The following RARB variants were observed in gnomAD, a reference collection of about 807,000 sequenced individuals.
RARB encodes the protein HBV-activated protein.
RARB carries 17 observed loss-of-function variants against 51.9 expected under a neutral mutation model. The observed-to-expected ratio is 0.33, with a 90% CI of 0.22 to 0.49. The LOEUF (loss-of-function observed/expected upper bound fraction) is 0.49, where lower values mean the gene tolerates loss of function less well. RARB is among the 20% of genes least tolerant of loss of function. The pLI is 0.99. For synonymous variants in RARB, 215 were observed against 195.4 expected, an observed-to-expected ratio of 1.10 and a Z score of -0.84; for missense variants, 369 against 550.8, an observed-to-expected ratio of 0.67 and a Z score of 3.30.
At chr3:25,135,211 A>G (rs1417129874) in intron 4 of RARB, among the ~76,000 whole-genome samples, 1 of 151,938 alleles carries the variant, frequency 6.6e-6, no homozygotes, top group African/African-American at 2.4e-5. Flanking sequence ...GCGCTCAAAA[A>G]TAGCTAGTGC....
chr3:25,531,026 G>T (rs954607996), intron 3 of RARB, among the ~76,000 whole-genome samples: 15 of 152,216 alleles, frequency 9.9e-5, no homozygotes, highest in African/African-American at 3.6e-4. Context: ...TTACATAATT[G>T]CCGGAAACAC....
chr3:25,094,596 T>C (rs1352409376), intron 3 of RARB, among the ~76,000 whole-genome samples: 1 of 151,034 alleles, frequency 6.6e-6, no homozygotes, highest in Non-Finnish European at 1.5e-5. Flanking sequence ...CATGCGCCTG[T>C]GGTCCCAGCT....
intron 5 of RARB, among the ~76,000 whole-genome samples, chr3:25,308,601 G>A (rs578202478): frequency 6.6e-6 from 1 of 151,798 alleles, no homozygotes; most frequent in South Asian, 2.1e-4. Context: ...GGCATGCATT[G>A]CCATGCCTGG....
chr3:25,333,258 G>A (rs1242833659), intron 5 of RARB, among the ~76,000 whole-genome samples: 25 of 152,128 alleles, frequency 1.6e-4, no homozygotes, highest in African/African-American at 2.4e-4. Flanking sequence ...GAGGCATCAC[G>A]CTACCTGACT....
chr3:25,402,528 A>G (rs1263200462), intron 5 of RARB, among the ~76,000 whole-genome samples: 1 of 152,240 alleles, frequency 6.6e-6, no homozygotes, highest in East Asian at 1.9e-4. Context: ...TGCTGTTTAC[A>G]ATAGCTAAGA....
intron 5 of RARB, among the ~76,000 whole-genome samples, chr3:25,583,062 T>C (rs1255596790): frequency 6.6e-6 from 1 of 151,158 alleles, no homozygotes; most frequent in African/African-American, 2.4e-5. Flanking sequence ...GGGTGAGGAG[T>C]CTGGGTTGGG....
intron 5 of RARB, among the ~76,000 whole-genome samples, chr3:25,186,954 T>C (rs1486379609): frequency 7.3e-6 from 1 of 137,292 alleles, no homozygotes; most frequent in Admixed American, 7.9e-5. Flanking sequence ...CCTGCTAAGT[T>C]TGATGAAGAG....
rs1362736823 is a variant in RARB at position 25,200,195 on chromosome 3, A to G, written c.178+25620A>G. On this transcript the variant is annotated intron_variant, in intron 5 of 11. Transcript: ENST00000383772. ...TTTGATTTGCATTTCTCTGATGGCC[A>G]GTGATGATGAGCATTGTTTCTTGTG... Among the ~76,000 whole-genome samples the G allele has an allele frequency of 2.6e-5, 4 of 152,248 alleles. No individual in the cohort carries two copies. The East Asian group carries it at 7.7e-4, about 29-fold the overall frequency.
intron 5 of RARB, among the ~76,000 whole-genome samples, chr3:25,284,173 A>T (rs1703593922): frequency 1.3e-5 from 2 of 152,180 alleles, no homozygotes. Context: ...AAGACCCTCC[A>T]TCTAACAGCT....
chr3:25,007,201 C>CT (rs1474362222), intron 2 of RARB, among the ~76,000 whole-genome samples: 1 of 152,158 alleles, frequency 6.6e-6, no homozygotes, highest in Non-Finnish European at 1.5e-5. Flanking sequence ...CTTCTGATTA[C>CT]TATAAACAGG....
intron 5 of RARB, among the ~76,000 whole-genome samples, chr3:25,175,748 G>A (rs1700731345): frequency 6.6e-6 from 1 of 152,166 alleles, no homozygotes; most frequent in Non-Finnish European, 1.5e-5. Context: ...TCGATTTGCT[G>A]ATGAGTCTTT....
At chr3:24,996,408 G>T (rs1161971083) in intron 2 of RARB, among the ~76,000 whole-genome samples, 1 of 151,834 alleles carries the variant, frequency 6.6e-6, no homozygotes, top group Non-Finnish European at 1.5e-5. Context: ...TTTCACAAAA[G>T]ATTTTTGTTT....
At chr3:25,080,127 T>A (rs1337586477) in intron 3 of RARB, among the ~76,000 whole-genome samples, 1 of 152,210 alleles carries the variant, frequency 6.6e-6, no homozygotes, top group East Asian at 1.9e-4. Context: ...CAGCCTCTAA[T>A]GTACTTTGTC....
intron 1 of RARB, among the ~76,000 whole-genome samples, chr3:25,432,127 T>C (rs944882687): frequency 6.6e-6 from 1 of 152,172 alleles, no homozygotes; most frequent in African/African-American, 2.4e-5. Flanking sequence ...GACTTTTCCT[T>C]AAATCGCAAA....
chr3:25,102,186 C>A (rs1344730926), intron 3 of RARB, among the ~76,000 whole-genome samples: 2 of 152,140 alleles, frequency 1.3e-5, no homozygotes, highest in African/African-American at 4.8e-5. Context: ...AATGTCCCCA[C>A]AAAATAGTCT....
chr3:24,846,590 T>G (rs1262858691), intron 1 of RARB, among the ~76,000 whole-genome samples: 4 of 152,172 alleles, frequency 2.6e-5, no homozygotes, highest in Non-Finnish European at 5.9e-5. Flanking sequence ...TTGCAGGAAC[T>G]GTTGTGGAGG....
intron 2 of RARB, among the ~76,000 whole-genome samples, chr3:24,953,946 CTTTG>C (rs1482988721): frequency 1.3e-5 from 2 of 152,100 alleles, no homozygotes; most frequent in East Asian, 1.9e-4. Flanking sequence ...GTAAATCGAG[CTTTG>C]TTTGTTCTTA....
intron 3 of RARB, among the ~76,000 whole-genome samples, chr3:25,104,117 G>A (rs1024681063): frequency 5.3e-5 from 8 of 152,094 alleles, no homozygotes; most frequent in Admixed American, 6.5e-5. Context: ...ATCAAAAAGT[G>A]TCACTCTGTT....
intron 4 of RARB, among the ~76,000 whole-genome samples, chr3:25,139,098 A>G (rs897040795): frequency 1.3e-5 from 2 of 152,248 alleles, no homozygotes; most frequent in Admixed American, 1.3e-4. Context: ...TGACTGCTCA[A>G]CCCACCAAGC....
Sources: allele counts gnomAD v4.1 joint callset (sites outside exome capture counted in the v4.1 genomes callset), GRCh38; gene constraint gnomAD v4.1.1; transcripts MANE v1.5; gene names NCBI Gene and HGNC (gene_info 2026-07-23, HGNC 2026-07-21).